The following ATXN7 variants were observed in gnomAD, a reference collection of about 807,000 sequenced individuals.
The protein encoded by ATXN7 is ataxin-7.
ATXN7 carries 12 observed loss-of-function variants against 70.5 expected under a neutral mutation model. The observed-to-expected ratio is 0.17, with a 90% CI of 0.11 to 0.28. The LOEUF is 0.28. Ranked by LOEUF, ATXN7 falls within the 10% of genes least tolerant of loss-of-function variation. ATXN7 has a pLI of 1.00. For synonymous variants in ATXN7, 498 were observed against 448.7 expected (o/e 1.11, Z -1.39); for missense variants, 1,256 against 1,131.7 (o/e 1.11, Z -1.58).
intron 12 of ATXN7, chr3:63,998,255 G>A (rs2075792270): frequency 1.0e-6 from 1 of 979,004 alleles, no homozygotes. Flanking sequence ...CTAGAAATTG[G>A]GGGGACATGG....
At chr3:63,961,380 T>A (rs2075128105) in intron 5 of ATXN7, among the ~76,000 whole-genome samples, 2 of 152,222 alleles carry the variant, frequency 1.3e-5, no homozygotes, top group African/African-American at 4.8e-5. Flanking sequence ...AGTGTTGCAT[T>A]ACTGTATACA....
Position 63,982,623 on chromosome 3 carries a change from A to AGTGTGTGTGT in ATXN7, c.1012+205_1012+214dup, listed in dbSNP as rs71099784. ...TCACTCTTGGGTTTTAAAGAGCATGAGTGTGTGTGTGTGTGTGTGTGTGTG... is the reference window on the plus strand; with the variant it reads ...TCACTCTTGGGTTTTAAAGAGCATGAGTGTGTGTGTGTGTGTGTGTGTGTGTGTGTGTGTG... On this transcript the variant is annotated intron_variant, in intron 7 of 12. Transcript: ENST00000674280. Among the ~76,000 whole-genome samples the AGTGTGTGTGT allele has an allele frequency of 8.4e-3, 1,211 of 143,544 alleles. 14 individuals carry two copies. Among genetic ancestry groups the AGTGTGTGTGT allele is most frequent in the Admixed American group, 0.025 (359 of 14,356 alleles). 94.2% of individuals were successfully genotyped at this position (143,544 alleles called of 152,430 possible). A position where few individuals can be genotyped will look rare whatever the true frequency, so the allele number is the denominator to read the frequency against.
intron 1 of ATXN7, chr3:63,864,457 C>G (rs868027780): frequency 6.6e-6 from 1 of 151,960 alleles, no homozygotes; most frequent in Non-Finnish European, 1.5e-5. Context: ...CCGGCACTTG[C>G]GCGGGGCGCG....
chr3:63,933,487 T>G (rs2074595510), intron 4 of ATXN7, among the ~76,000 whole-genome samples: 3 of 152,130 alleles, frequency 2.0e-5, no homozygotes. Context: ...TGAGGTACAG[T>G]TTTTGCCACC....
chr3:63,965,345 C>T (rs1307341803), intron 5 of ATXN7, among the ~76,000 whole-genome samples: 1 of 152,196 alleles, frequency 6.6e-6, no homozygotes, highest in Non-Finnish European at 1.5e-5. Flanking sequence ...GGCTGCACAA[C>T]TAGAAGTGCT....
Position 63,995,973 on chromosome 3 carries a change from T to C in ATXN7, c.2151T>C (p.Ser717=), listed in dbSNP as rs2075752219. The C allele has an allele frequency of 6.2e-7, 1 of 1,613,798 alleles. No homozygotes were observed. The highest frequency in any genetic ancestry group is 1.3e-5 in the African/African-American group (1 of 75,030). The change falls in exon 12 of 13, where the codon TCT becomes TCC. Residue 717 remains serine (S), a synonymous_variant. Coordinates refer to ENST00000674280, the MANE Select transcript of ATXN7 (RefSeq NM_001377405.1). ...RKNSSPLLVH[S]SSSSSSSSSS... is the part of the protein sequence containing the mutation. ...ACAGTTCCCCACTGTTGGTTCACTCTTCCTCCTCCTCTTCCTCCTCCTCCT... is the reference window on the plus strand; with the variant it reads ...ACAGTTCCCCACTGTTGGTTCACTCCTCCTCCTCCTCTTCCTCCTCCTCCT...
At chr3:63,963,684 T>G (rs960816052) in intron 5 of ATXN7, among the ~76,000 whole-genome samples, 1 of 152,190 alleles carries the variant, frequency 6.6e-6, no homozygotes, top group Non-Finnish European at 1.5e-5. Context: ...TGGATAACAC[T>G]AATCCCCTCT....
Position 63,982,701 on chromosome 3 carries a change from T to C in ATXN7, c.1013-238T>C, listed in dbSNP as rs1041253668. 6.6e-5 allele frequency among the ~76,000 whole-genome samples: 10 copies of C among 150,960 alleles called. No individual in the cohort carries two copies. The South Asian group carries it at 2.1e-3, about 32-fold the overall frequency. On this transcript the variant is annotated intron_variant, in intron 7 of 12. Coordinates refer to ENST00000674280, the MANE Select transcript of ATXN7 (RefSeq NM_001377405.1). ...TCTAGTGGTGTATTTCTGAAGGAAG[T>C]AATACAGACTTAAACAATATCTTTT...
chr3:64,001,634 T>A lies in ATXN7; in HGVS notation c.*2167T>A, dbSNP rs2075834333. On this transcript the variant is annotated 3_prime_UTR_variant, in exon 13 of 13. Coordinates refer to ENST00000674280, the MANE Select transcript of ATXN7 (RefSeq NM_001377405.1). ...ATTAGCAAGTATTGAACATTTGATTTCTTAGACTGAGGTTTTAAATGAATT... is the reference window on the plus strand; with the variant it reads ...ATTAGCAAGTATTGAACATTTGATTACTTAGACTGAGGTTTTAAATGAATT... The A allele has an allele frequency of 6.6e-6, 1 of 152,234 alleles. No homozygotes were observed. Among genetic ancestry groups the A allele is most frequent in the Non-Finnish European group, 1.5e-5 (1 of 68,034 alleles). The allele number at this position is 152,234 out of a possible 1,614,324, so 9.4% of individuals were successfully genotyped here.
intron 4 of ATXN7, among the ~76,000 whole-genome samples, chr3:63,913,619 T>G (rs551651185): frequency 4.6e-5 from 7 of 152,334 alleles, no homozygotes; most frequent in African/African-American, 1.7e-4. Flanking sequence ...AATTTTGAAC[T>G]TAAAGAAGAT....
chr3:63,975,553 T>C (rs1300277126), intron 5 of ATXN7, among the ~76,000 whole-genome samples: 2 of 152,244 alleles, frequency 1.3e-5, no homozygotes, highest in Non-Finnish European at 2.9e-5. Flanking sequence ...ATTTTGACAG[T>C]TGCTCACTGT....
chr3:63,974,756 A>T (rs1346267538), intron 5 of ATXN7, among the ~76,000 whole-genome samples: 2 of 152,204 alleles, frequency 1.3e-5, no homozygotes, highest in Non-Finnish European at 1.5e-5. Flanking sequence ...TGAAGGTGAG[A>T]TTTCTCATCA....
intron 2 of ATXN7, among the ~76,000 whole-genome samples, chr3:63,907,556 C>A (rs1304379312): frequency 6.9e-6 from 1 of 145,752 alleles, no homozygotes. Flanking sequence ...ATCTCCCAAA[C>A]TTAAGCAGTC....
chr3:63,929,314 C>T (rs1383055646), intron 4 of ATXN7, among the ~76,000 whole-genome samples: 3 of 146,298 alleles, frequency 2.1e-5, no homozygotes, highest in African/African-American at 5.1e-5. Flanking sequence ...CGCTCTGTTG[C>T]CAGGCTGGAG....
intron 5 of ATXN7, among the ~76,000 whole-genome samples, chr3:63,972,273 CTA>C (rs760122572): frequency 1.3e-5 from 2 of 152,156 alleles, no homozygotes; most frequent in Non-Finnish European, 2.9e-5. Context: ...GCATGTTTAC[CTA>C]TGTTTTACAT....
In ATXN7 at chr3:63,913,240, C is replaced by T. The variant is rs776722384; in HGVS notation, c.394+15C>T. The T allele has an allele frequency of 7.4e-6, 12 of 1,612,300 alleles. No individual in the cohort carries two copies. In the East Asian group the frequency reaches 2.0e-4, roughly 27 times the overall value. On this transcript the variant is annotated intron_variant, in intron 4 of 12. Transcript: ENST00000674280. ...CTGTCGGGAAGGTGAGTCCAGCCCC[C>T]CTGATGGAGTTTGTACAAACCCCTG... is the stretch of plus-strand genomic sequence containing the variant.
rs767660545 is a variant in ATXN7, at chr3:63,995,806, G to T, written c.1984G>T (p.Val662Phe). The change falls in exon 12 of 13, where the codon GTT becomes TTT. Residue 662 changes from valine to phenylalanine, a missense_variant. Coordinates refer to ENST00000674280, the MANE Select transcript of ATXN7 (RefSeq NM_001377405.1). ...SPSTPSGLSS[V>F]PSSPMSRKPQ... Reference sequence around the variant, plus strand: ...TTCCACGCCCTCTGGCCTTTCCTCGGTTCCTTCCTCCCCCATGTCCAGGAA... The same window carrying T: ...TTCCACGCCCTCTGGCCTTTCCTCGTTTCCTTCCTCCCCCATGTCCAGGAA... 8.7e-6 allele frequency: 14 copies of T among 1,614,030 alleles called. No homozygotes were observed. The African/African-American group carries it at 1.1e-4, about 12-fold the overall frequency.
At chr3:63,958,475 A>G (rs1473546043) in intron 5 of ATXN7, among the ~76,000 whole-genome samples, 2 of 152,180 alleles carry the variant, frequency 1.3e-5, no homozygotes, top group Non-Finnish European at 2.9e-5. Context: ...CATTTCTCAT[A>G]GTTCTGACCA....
chr3:63,981,168 G>A (rs913287270), intron 6 of ATXN7, among the ~76,000 whole-genome samples: 4 of 152,196 alleles, frequency 2.6e-5, no homozygotes, highest in African/African-American at 7.2e-5. Flanking sequence ...CTTGCCAGCT[G>A]GGAGAGGATG....
Sources: gnomAD v4.1 joint callset for allele counts (sites outside exome capture counted in the v4.1 genomes callset) on GRCh38, gnomAD v4.1.1 for gene constraint, MANE v1.5 for transcripts, NCBI Gene and HGNC (gene_info 2026-07-23, HGNC 2026-07-21) for gene names.